NCAPD2: variants seen among roughly 807,000 people sequenced by gnomAD.
NCAPD2 encodes non-SMC condensin I complex subunit D2, also known as condensin complex subunit 1.
A neutral mutation model predicts 164.5 loss-of-function variants in NCAPD2; 100 were observed. The observed-to-expected ratio is 0.61, with a 90% CI of 0.52 to 0.72. The LOEUF (loss-of-function observed/expected upper bound fraction) is 0.72, where lower values mean the gene tolerates loss of function less well. Ranked by LOEUF, NCAPD2 falls within the 30% of genes least tolerant of loss-of-function variation. The pLI, the probability that NCAPD2 is intolerant of heterozygous loss-of-function variation, is 0.00. For synonymous variants in NCAPD2, 585 were observed against 642.6 expected, an observed-to-expected ratio of 0.91 and a Z score of 1.36; for missense variants, 1,560 against 1,749.2, an observed-to-expected ratio of 0.89 and a Z score of 1.93.
At position 6,528,679 on chromosome 12, in the gene NCAPD2, T is replaced by C. The variant is rs2072374; in HGVS notation, c.3300T>C (p.Arg1100=). 1,171,649 of 1,607,368 alleles carry C rather than the reference T, an allele frequency of 0.73. 429,779 individuals carry two copies. The highest frequency in any genetic ancestry group is 0.95 in the African/African-American group (71,065 of 74,876). ...CCATGACCCGCAATTCCATTCCTAGTCTCCGGGACCCTGCTCAGCAAGTGC... is the reference window on the plus strand; with the variant it reads ...CCATGACCCGCAATTCCATTCCTAGCCTCCGGGACCCTGCTCAGCAAGTGC... The part of the protein sequence containing the change: ...VDPWTPHLYA[R]LRDPAQQVRK... Residue 1100 remains arginine (R), a splice_region_variant and synonymous_variant, in exon 26 of 32, where the codon CGT becomes CGC. Transcript: ENST00000315579. This position sits in a 1 kb window ranked among gnomAD's most constrained non-coding sequence, Gnocchi z 5.1.
intron 2 of NCAPD2, among the ~76,000 whole-genome samples, chr12:6,499,857 A>C (rs182455795): frequency 5.1e-4 from 77 of 152,278 alleles, no homozygotes; most frequent in African/African-American, 1.9e-3. Context: ...GCAGTGGCTC[A>C]CACCTGTAAT....
At chr12:6,501,797 G>T (rs140560845) in intron 2 of NCAPD2, among the ~76,000 whole-genome samples, 1 of 152,170 alleles carries the variant, frequency 6.6e-6, no homozygotes, top group Non-Finnish European at 1.5e-5. Flanking sequence ...GCAGTCATTG[G>T]GGCAGAAAGC....
chr12:6,531,327 A>T lies in NCAPD2; in HGVS notation c.4121A>T (p.Asp1374Val). 1 of 1,612,326 alleles carries T rather than the reference A, an allele frequency of 6.2e-7. No individual in the cohort carries two copies. The highest frequency in any genetic ancestry group is 1.3e-5 in the African/African-American group (1 of 74,880). ...CTTATTCCTTTAATTCTTTGCATAG[A>T]TCTTTCAGCAGAGATGACAGAAGAC... ...VFSSDESSEE[D>V]LSAEMTEDET... Residue 1374 changes from aspartate (D) to valine (V), a missense_variant and splice_region_variant, in exon 32 of 32, where the codon GAT becomes GTT. Coordinates refer to ENST00000315579, the MANE Select transcript of NCAPD2 (RefSeq NM_014865.4). This position sits in a 1 kb window ranked among gnomAD's most constrained non-coding sequence, Gnocchi z 4.1.
intron 9 of NCAPD2, among the ~76,000 whole-genome samples, chr12:6,516,199 A>G (rs1387553721): frequency 1.3e-5 from 2 of 150,596 alleles, no homozygotes; most frequent in Non-Finnish European, 3.0e-5. Flanking sequence ...CTGTCTCAAA[A>G]AAAAAACCAA....
intron 2 of NCAPD2, among the ~76,000 whole-genome samples, chr12:6,504,184 T>TAC (rs1946068926): frequency 4.9e-5 from 1 of 20,388 alleles, no homozygotes; most frequent in Non-Finnish European, 8.8e-5. Flanking sequence ...TATATATACA[T>TAC]ATATATATAT....
intron 2 of NCAPD2, among the ~76,000 whole-genome samples, chr12:6,506,666 G>A (rs571433867): frequency 5.3e-5 from 8 of 151,708 alleles, no homozygotes; most frequent in South Asian, 2.1e-4. Flanking sequence ...AATTTTATGC[G>A]TTCATGACAT....
chr12:6,504,689 G>A (rs139705976), intron 2 of NCAPD2, among the ~76,000 whole-genome samples: 11 of 152,124 alleles, frequency 7.2e-5, no homozygotes, highest in Admixed American at 2.0e-4. Context: ...ACCGCGTCGA[G>A]CCTTAATACA....
At position 6,509,725 on chromosome 12, in the gene NCAPD2, GC is replaced by G; in HGVS notation, c.137del (p.Ala46ValfsTer28). ...HLPPQLRAFQ[A>X]AFRAQGPLAM... ...TTTTTCCATCTTCATAGCTTTTCAG[GC>G]TGCCTTTCGAGCTCAGGGGCCCCTG... On this transcript the variant is annotated frameshift_variant, in exon 3 of 32. Transcript: ENST00000315579. LOFTEE classifies it high-confidence loss of function. 1.2e-6 allele frequency: 2 copies of G among 1,613,758 alleles called. No homozygotes were observed. Among genetic ancestry groups the G allele is most frequent in the Non-Finnish European group, 1.7e-6 (2 of 1,179,864 alleles).
At chr12:6,518,364 A>C (rs1012991246) in intron 13 of NCAPD2, among the ~76,000 whole-genome samples, 2 of 152,102 alleles carry the variant, frequency 1.3e-5, no homozygotes, top group African/African-American at 4.8e-5. Context: ...TCTAAATTTC[A>C]TGAACTAATA....
intron 16 of NCAPD2, 31 bp from the exon 17 acceptor site, chr12:6,523,231 T>G: frequency 2.5e-6 from 4 of 1,600,064 alleles, no homozygotes; most frequent in Non-Finnish European, 3.4e-6. Flanking sequence ...CCCAATCTTA[T>G]AGTGACCGCT....
chr12:6,518,504 G>GTTTTTGTTTTTGTTTTTTTTT (rs746627585), intron 13 of NCAPD2, among the ~76,000 whole-genome samples: 1 of 44,774 alleles, frequency 2.2e-5, no homozygotes, highest in African/African-American at 1.0e-4. Context: ...CCGTCAACAA[G>GTTTTTGTTTTTGTTTTTTTTT]TTTTTTTTTT....
intron 2 of NCAPD2, 81 bp downstream of exon 2, chr12:6,495,306 C>G: frequency 1.3e-6 from 2 of 1,528,044 alleles, no homozygotes. Context: ...CATTTCTGTT[C>G]CACTACACCA....
chr12:6,507,489 G>T (rs1316151444), intron 2 of NCAPD2, among the ~76,000 whole-genome samples: 2 of 152,242 alleles, frequency 1.3e-5, no homozygotes, highest in African/African-American at 4.8e-5. Context: ...TGAACAAAGG[G>T]GCACGAGAGC....
intron 8 of NCAPD2, 31 bp from the exon 9 acceptor site, chr12:6,514,741 GT>G: frequency 6.2e-7 from 1 of 1,613,024 alleles, no homozygotes; most frequent in Non-Finnish European, 8.5e-7. Context: ...ATTGATCTAT[GT>G]TGCTATGGCT....
rs71067124 is a variant in NCAPD2, at chr12:6,513,715, C to CTTTTTTTTTTTT, written c.588-543_588-532dup. 1.2e-3 allele frequency among the ~76,000 whole-genome samples: 87 copies of CTTTTTTTTTTTT among 74,878 alleles called. 18 individuals are homozygous for CTTTTTTTTTTTT. The highest frequency in any genetic ancestry group is 2.3e-3 in the African/African-American group (39 of 16,958). The allele number at this position is 74,878 out of a possible 152,430, so 49.1% of individuals were successfully genotyped here. A position where few individuals can be genotyped will look rare whatever the true frequency, so the allele number is the denominator to read the frequency against. Reference sequence around the variant, plus strand: ...AATGAGAAGTCATTGGTGACTTTGTCTTTTTTTTTTTTTTTTTTGTGATGG... The same window carrying CTTTTTTTTTTTT: ...AATGAGAAGTCATTGGTGACTTTGTCTTTTTTTTTTTTTTTTTTTTTTTTTTTTTTGTGATGG... On this transcript the variant is annotated intron_variant, in intron 6 of 31. Coordinates refer to ENST00000315579, the MANE Select transcript of NCAPD2 (RefSeq NM_014865.4).
At position 6,529,926 on chromosome 12, in the gene NCAPD2, A is replaced by C; in HGVS notation, c.3805A>C (p.Lys1269Gln). The C allele has an allele frequency of 6.2e-7, 1 of 1,614,108 alleles. No homozygotes were observed. The highest frequency in any genetic ancestry group is 8.5e-7 in the Non-Finnish European group (1 of 1,179,952). ...CAGTGCTTTTTTGTCAGTTGTAGGC[A>C]AGCTGCGACGTGGGGCCAAGCCTGA... is the stretch of plus-strand genomic sequence containing the variant. ...IFSAFLSVVG[K>Q]LRRGAKPEGK... Residue 1269 changes from lysine (K) to glutamine (Q), a missense_variant, in exon 29 of 32, where the codon AAG becomes CAG. Physicochemically the swap from Lys to Gln is moderately conservative, Grantham distance 53. Transcript: ENST00000315579.
Position 6,521,786 on chromosome 12 carries a change from C to G in NCAPD2, c.1715-12C>G, listed in dbSNP as rs375967882. On this transcript the variant is annotated splice_polypyrimidine_tract_variant and intron_variant, in intron 14 of 31. Transcript: ENST00000315579. ...TTGAACGAAACCATCCTGTACTTCT[C>G]TAACTCCTTAGGCCCAGCAGCTTCC... The G allele has an allele frequency of 1.9e-6, 3 of 1,613,478 alleles. No individual in the cohort carries two copies. The highest frequency in any genetic ancestry group is 2.7e-5 in the African/African-American group (2 of 74,856).
In NCAPD2 at chr12:6,496,529, A is replaced by G. The variant is rs181932865; in HGVS notation, c.127+1304A>G. On this transcript the variant is annotated intron_variant, in intron 2 of 31. Transcript: ENST00000315579. ...AGCCTCAACTTCCCAGACTCAAGCA[A>G]TCCTCTCACCTCAGCCTCCCAAGCA... 1.7e-3 allele frequency among the ~76,000 whole-genome samples: 264 copies of G among 150,990 alleles called. 7 individuals carry two copies. The South Asian group carries it at 0.04, about 23-fold the overall frequency.
At chr12:6,514,747 A>G (rs756259708) in intron 8 of NCAPD2, 26 bp from the exon 9 acceptor site, 3 of 1,613,612 alleles carry the variant, frequency 1.9e-6, no homozygotes, top group African/African-American at 1.3e-5. Flanking sequence ...CTATGTTGCT[A>G]TGGCTGTGTT....
Sources: allele counts gnomAD v4.1 joint callset (sites outside exome capture counted in the v4.1 genomes callset), GRCh38; gene constraint gnomAD v4.1.1; non-coding constraint Gnocchi (gnomAD v3.1); transcripts MANE v1.5; gene names NCBI Gene and HGNC (gene_info 2026-07-23, HGNC 2026-07-21).